ANKS1B: variants seen among roughly 807,000 people sequenced by gnomAD.
ANKS1B encodes the protein ankyrin repeat and sterile alpha motif domain containing 1B, also known as ankyrin repeat and sterile alpha motif domain-containing protein 1B.
Under a neutral mutation model 148.3 loss-of-function variants are expected in ANKS1B, and 36 were observed. The observed-to-expected ratio is 0.24, with a 90% confidence interval of 0.19 to 0.32. The LOEUF (loss-of-function observed/expected upper bound fraction) is 0.32. ANKS1B is among the 10% of genes least tolerant of loss of function. The pLI, the probability that ANKS1B is intolerant of heterozygous loss-of-function variation, is 1.00. For missense variants in ANKS1B, 1,157 were observed against 1,542.6 expected (o/e 0.75, Z 4.19); for synonymous variants, 542 against 560.8 (o/e 0.97, Z 0.47).
At chr12:99,304,449 A>T (rs1206472216) in intron 12 of ANKS1B, among the ~76,000 whole-genome samples, 1 of 152,026 alleles carries the variant, frequency 6.6e-6, no homozygotes, top group Non-Finnish European at 1.5e-5. Flanking sequence ...TGCAGTGCTG[A>T]TTCTTGGCTT....
chr12:99,030,343 C>CT (rs2153459530), intron 17 of ANKS1B, among the ~76,000 whole-genome samples: 1 of 152,296 alleles, frequency 6.6e-6, no homozygotes, highest in Non-Finnish European at 1.5e-5. Context: ...TACCCTGGTT[C>CT]TAAGCTCCTT....
At chr12:98,910,108 T>C (rs2099784754) in intron 17 of ANKS1B, among the ~76,000 whole-genome samples, 1 of 152,200 alleles carries the variant, frequency 6.6e-6, no homozygotes, top group African/African-American at 2.4e-5. Context: ...AGCAATGTTC[T>C]ATCAGTCAAA....
At chr12:99,302,755 T>A (rs947362614) in intron 12 of ANKS1B, among the ~76,000 whole-genome samples, 1 of 152,182 alleles carries the variant, frequency 6.6e-6, no homozygotes, top group Non-Finnish European at 1.5e-5. Context: ...CAGCACAGAT[T>A]TGGCTTTTCC....
chr12:99,511,167 T>C (rs192114015), intron 9 of ANKS1B, among the ~76,000 whole-genome samples: 25 of 152,082 alleles, frequency 1.6e-4, no homozygotes, highest in Admixed American at 1.6e-3. Context: ...GTTTGTCATA[T>C]ATGGCTGTTA....
Position 99,410,740 on chromosome 12 carries a change from AG to A in ANKS1B, c.1576-10930del, listed in dbSNP as rs1447129508. Among the ~76,000 whole-genome samples the A allele has an allele frequency of 6.6e-5, 10 of 152,344 alleles. No individual in the cohort carries two copies. The East Asian group carries it at 1.9e-3, about 29-fold the overall frequency. On this transcript the variant is annotated intron_variant, in intron 11 of 26. Transcript: ENST00000683438. The stretch of plus-strand genomic sequence containing the variant: ...TGAGGAGGTAAAGTTGAACAGACAC[AG>A]GAACGACTGTGATTGAATCAGGGAA...
intron 9 of ANKS1B, among the ~76,000 whole-genome samples, chr12:99,612,055 A>G (rs2097906847): frequency 1.3e-5 from 2 of 151,974 alleles, no homozygotes; most frequent in African/African-American, 4.8e-5. Flanking sequence ...ATTAGAGCAA[A>G]ATTGTCAGTT....
At chr12:99,625,894 G>T (rs373517651) in intron 9 of ANKS1B, among the ~76,000 whole-genome samples, 1 of 152,052 alleles carries the variant, frequency 6.6e-6, no homozygotes, top group Non-Finnish European at 1.5e-5. Flanking sequence ...TGGTGGCTGA[G>T]GTATAATAGG....
intron 12 of ANKS1B, among the ~76,000 whole-genome samples, chr12:99,370,590 T>C (rs1244992154): frequency 1.3e-5 from 2 of 152,002 alleles, no homozygotes; most frequent in Non-Finnish European, 2.9e-5. Context: ...TCTCAGGAGG[T>C]TTTTGCCCTC....
At chr12:99,071,721 C>T (rs1234229537) in intron 16 of ANKS1B, among the ~76,000 whole-genome samples, 1 of 151,480 alleles carries the variant, frequency 6.6e-6, no homozygotes, top group Non-Finnish European at 1.5e-5. Flanking sequence ...GATCTTGGCT[C>T]ACTGCAAGCT....
At chr12:99,245,357 C>G (rs778230719) in intron 13 of ANKS1B, among the ~76,000 whole-genome samples, 7 of 152,146 alleles carry the variant, frequency 4.6e-5, no homozygotes, top group Non-Finnish European at 1.0e-4. Context: ...TAACCATCTA[C>G]TAGTATGGAA....
At chr12:99,431,752 T>G (rs1317831019) in intron 11 of ANKS1B, among the ~76,000 whole-genome samples, 1 of 152,188 alleles carries the variant, frequency 6.6e-6, no homozygotes, top group East Asian at 1.9e-4. Context: ...AGCACAGCAC[T>G]TAAGTAAAAA....
chr12:98,773,972 A>G (rs2098637654), intron 24 of ANKS1B, among the ~76,000 whole-genome samples: 1 of 152,132 alleles, frequency 6.6e-6, no homozygotes, highest in African/African-American at 2.4e-5. Context: ...CCTCCCTCAG[A>G]GCAAGGGCAG....
chr12:99,647,279 G>A (rs1024620330), intron 9 of ANKS1B, among the ~76,000 whole-genome samples: 47 of 151,988 alleles, frequency 3.1e-4, no homozygotes, highest in African/African-American at 1.1e-3. Flanking sequence ...CATTTTTAGG[G>A]CTGCAGACTG....
chr12:99,163,807 T>C (rs2076936450), intron 14 of ANKS1B, among the ~76,000 whole-genome samples: 2 of 152,190 alleles, frequency 1.3e-5, no homozygotes, highest in Admixed American at 1.3e-4. Flanking sequence ...AGTAGCTTAT[T>C]TTTTCATTTC....
At position 98,823,010 on chromosome 12, in the gene ANKS1B, T is replaced by C. The variant is rs2099211769; in HGVS notation, c.3066+6164A>G. ...TTGTCTCAGATAGAGCAGGGTGTAT[T>C]TGCTAAAAGAAAATTAACTGACCAT... is the stretch of plus-strand genomic sequence containing the variant. On this transcript the variant is annotated intron_variant, in intron 19 of 26. Coordinates refer to ENST00000683438, the MANE Select transcript of ANKS1B (RefSeq NM_001352186.2). 2.6e-5 allele frequency among the ~76,000 whole-genome samples: 4 copies of C among 152,206 alleles called. No homozygotes were observed. The South Asian group carries it at 8.3e-4, about 32-fold the overall frequency.
At chr12:99,668,431 T>A (rs2098520191) in intron 8 of ANKS1B, among the ~76,000 whole-genome samples, 1 of 152,104 alleles carries the variant, frequency 6.6e-6, no homozygotes, top group African/African-American at 2.4e-5. Context: ...TTTTTTTAAA[T>A]GTGGAAGCTT....
intron 10 of ANKS1B, among the ~76,000 whole-genome samples, chr12:99,451,070 A>C (rs1347408391): frequency 2.0e-5 from 3 of 152,198 alleles, no homozygotes; most frequent in African/African-American, 7.2e-5. Context: ...CAGTTACAAA[A>C]TATTGCTGAT....
At chr12:99,494,176 C>A (rs562361626) in intron 10 of ANKS1B, among the ~76,000 whole-genome samples, 2 of 152,128 alleles carry the variant, frequency 1.3e-5, no homozygotes, top group South Asian at 4.1e-4. Flanking sequence ...CGAGAAATGC[C>A]CTTTTTGATT....
chr12:99,152,978 C>G (rs2075332980), intron 15 of ANKS1B, among the ~76,000 whole-genome samples: 1 of 152,000 alleles, frequency 6.6e-6, no homozygotes, highest in East Asian at 1.9e-4. Context: ...TCTATATAAC[C>G]AGTGACAGTA....
Sources: allele counts gnomAD v4.1 joint callset (sites outside exome capture counted in the v4.1 genomes callset), GRCh38; gene constraint gnomAD v4.1.1; transcripts MANE v1.5; gene names NCBI Gene and HGNC (gene_info 2026-07-23, HGNC 2026-07-21).